The following GPR65 variants were observed in gnomAD, a reference collection of about 807,000 sequenced individuals.
The protein encoded by GPR65 is T-cell death-associated gene 8 protein.
Under a neutral mutation model 0.7 loss-of-function variants are expected in GPR65, and 2 were observed. That is an observed-to-expected ratio of 2.83 (90% CI 1.16 to 8.92). The LOEUF is 8.92. GPR65 is among the 30% of genes most tolerant of loss of function. The pLI, the probability that GPR65 is intolerant of heterozygous loss-of-function variation, is 0.04. For synonymous variants in GPR65, 128 were observed against 146.5 expected (o/e 0.87, Z 0.91); for missense variants, 379 against 399.4 (o/e 0.95, Z 0.43).
chr14:88,011,643 A>T lies in GPR65; in HGVS notation c.796A>T (p.Lys266Ter). 6.2e-7 allele frequency: 1 copy of T among 1,614,000 alleles called. No homozygotes were observed. The highest frequency in any genetic ancestry group is 8.5e-7 in the Non-Finnish European group (1 of 1,179,898). Residue 266 changes from lysine to a stop codon, truncating the protein, a stop_gained, in exon 2 of 2, where the codon AAG (lysine) becomes TAG (stop). Coordinates refer to ENST00000267549, the MANE Select transcript of GPR65 (RefSeq NM_003608.4). LOFTEE classifies it low-confidence loss of function (END_TRUNC). Reference protein sequence around the residue: ...VNFEDHSNSGKRTYTMYRITV... With the variant: ...VNFEDHSNSG ...CTTCGAAGACCACAGCAATTCTGGG[A>T]AGCGAACTTACACAATGTATAGAAT...
intron 1 of GPR65, among the ~76,000 whole-genome samples, chr14:88,008,450 G>T (rs959901773): frequency 1.3e-5 from 2 of 152,054 alleles, no homozygotes; most frequent in Non-Finnish European, 2.9e-5. Context: ...TTACATTTGT[G>T]ATCTTCAACC....
rs1387291111 is a variant in GPR65 at position 88,014,472 on chromosome 14, T to C, written c.*2611T>C. On this transcript the variant is annotated 3_prime_UTR_variant, in exon 2 of 2. Transcript: ENST00000267549. ...TTGTTAGATCTCAGCACTTAAAAAA[T>C]TACATCTTGTATTTGAATTGTTAAA... 1 of 152,210 alleles carries C rather than the reference T, an allele frequency of 6.6e-6. No homozygotes were observed. The highest frequency in any genetic ancestry group is 1.5e-5 in the Non-Finnish European group (1 of 68,034). 9.4% of individuals were successfully genotyped at this position (152,210 alleles called of 1,614,324 possible).
In GPR65 at chr14:88,010,524, C is replaced by A; in HGVS notation, c.-324C>A. The A allele has an allele frequency of 4.0e-6, 1 of 247,420 alleles. No individual in the cohort carries two copies. The allele number at this position is 247,420 out of a possible 1,614,324, so 15.3% of individuals were successfully genotyped here. ...AACTCTCTATGTACACTTACAAATG[C>A]CTCAGTTGATGCTTGTGGGCTGTTT... On this transcript the variant is annotated 5_prime_UTR_variant, in exon 2 of 2. The change creates a premature stop within an existing upstream ORF in the 5' untranslated region. Coordinates refer to ENST00000267549, the MANE Select transcript of GPR65 (RefSeq NM_003608.4).
intron 1 of GPR65, among the ~76,000 whole-genome samples, chr14:88,006,877 T>C (rs1208350214): frequency 6.6e-6 from 1 of 152,172 alleles, no homozygotes; most frequent in Non-Finnish European, 1.5e-5. Flanking sequence ...AGTTATATCC[T>C]TTAGAAGTTT....
chr14:88,007,374 T>C lies in GPR65; in HGVS notation c.-460+2152T>C, dbSNP rs527872957. ...TTCGATCTTTATGGAATTCCAATTA[T>C]GTATATGCCACCCTTTTCACCTTTT... is the stretch of plus-strand genomic sequence containing the variant. On this transcript the variant is annotated intron_variant, in intron 1 of 1. Coordinates refer to ENST00000267549, the MANE Select transcript of GPR65 (RefSeq NM_003608.4). 3.3e-5 allele frequency among the ~76,000 whole-genome samples: 5 copies of C among 152,212 alleles called. No homozygotes were observed. The East Asian group carries it at 9.7e-4, about 29-fold the overall frequency.
chr14:88,010,922 T>C lies in GPR65; in HGVS notation c.75T>C (p.Ile25=), dbSNP rs1272601220. 1.2e-5 allele frequency: 19 copies of C among 1,612,230 alleles called. No individual in the cohort carries two copies. Among genetic ancestry groups the C allele is most frequent in the Non-Finnish European group, 1.4e-5 (16 of 1,178,404 alleles). The change falls in exon 2 of 2, where the codon ATT becomes ATC. Residue 25 remains isoleucine, a synonymous_variant. Coordinates refer to ENST00000267549, the MANE Select transcript of GPR65 (RefSeq NM_003608.4). ...TTCCCATTGTTTACATCTTTGTGATTATAGTCAGCATTCCAGCCAATATTG... is the reference window on the plus strand; with the variant it reads ...TTCCCATTGTTTACATCTTTGTGATCATAGTCAGCATTCCAGCCAATATTG... ...YLFPIVYIFV[I]IVSIPANIGS...
Position 88,014,390 on chromosome 14 carries a change from T to C in GPR65, c.*2529T>C, listed in dbSNP as rs1887734246. ...ATTTTTGTCTACTATTATGAAATTA[T>C]TATCTATGAAATTCAAGCTGTAACT... On this transcript the variant is annotated 3_prime_UTR_variant, in exon 2 of 2. Transcript: ENST00000267549. 6.6e-6 allele frequency: 1 copy of C among 152,220 alleles called. No homozygotes were observed. Among genetic ancestry groups the C allele is most frequent in the Non-Finnish European group, 1.5e-5 (1 of 68,030 alleles). 9.4% of individuals were successfully genotyped at this position (152,220 alleles called of 1,614,324 possible).
At chr14:88,010,208 C>T (rs1000984330) in intron 1 of GPR65, among the ~76,000 whole-genome samples, 181 bp from the exon 2 acceptor site, 20 of 151,672 alleles carry the variant, frequency 1.3e-4, no homozygotes, top group African/African-American at 4.8e-4. Flanking sequence ...AATGTCTTGA[C>T]TTGATTTTAT....
chr14:88,012,025 C>T lies in GPR65; in HGVS notation c.*164C>T. On this transcript the variant is annotated 3_prime_UTR_variant, in exon 2 of 2. Transcript: ENST00000267549. ...TATCTTAAAACTGCATTGTACAGCT[C>T]CCTCCCTGCGTTTTATTAAATGATG... is the stretch of plus-strand genomic sequence containing the variant. 1.8e-6 allele frequency: 1 copy of T among 545,458 alleles called. No homozygotes were observed. Among genetic ancestry groups the T allele is most frequent in the African/African-American group, 1.9e-5 (1 of 52,746 alleles). The allele number at this position is 545,458 out of a possible 1,614,324, so 33.8% of individuals were successfully genotyped here. A position where few individuals can be genotyped will look rare whatever the true frequency, so the allele number is the denominator to read the frequency against.
At chr14:88,006,471 C>G (rs1330594594) in intron 1 of GPR65, among the ~76,000 whole-genome samples, 1 of 152,188 alleles carries the variant, frequency 6.6e-6, no homozygotes, top group Non-Finnish European at 1.5e-5. Flanking sequence ...CTCTGCGTCA[C>G]TACAAAGAAG....
rs762749594 is a variant in GPR65 at position 88,011,715 on chromosome 14, T to C, written c.868T>C (p.Tyr290His). Residue 290 changes from tyrosine (Y) to histidine (H), a missense_variant, in exon 2 of 2, where the codon TAC (tyrosine) becomes CAC (histidine). Transcript: ENST00000267549. ...SLNCVADPILYCFVTETGRYD... is the reference protein window; with the variant it reads ...SLNCVADPILHCFVTETGRYD... ...AAATTGTGTTGCTGATCCAATTCTG[T>C]ACTGTTTTGTAACCGAAACAGGAAG... The C allele has an allele frequency of 6.2e-7, 1 of 1,613,898 alleles. No individual in the cohort carries two copies.
At chr14:88,007,844 A>C (rs568323739) in intron 1 of GPR65, among the ~76,000 whole-genome samples, 1 of 147,892 alleles carries the variant, frequency 6.8e-6, no homozygotes, top group Non-Finnish European at 1.5e-5. Context: ...ATTTGTTAGA[A>C]CTCTATCTGT....
rs1887738002 is a variant in GPR65 at position 88,014,648 on chromosome 14, A to G, written c.*2787A>G. The G allele has an allele frequency of 6.6e-6, 1 of 152,180 alleles. No individual in the cohort carries two copies. Among genetic ancestry groups the G allele is most frequent in the Non-Finnish European group, 1.5e-5 (1 of 68,020 alleles). The allele number at this position is 152,180 out of a possible 1,614,324, so 9.4% of individuals were successfully genotyped here. ...GCACCGGTGCATTTTTATTTAAAAA[A>G]TAGATTGTGACTCCTCAAATAATGT... On this transcript the variant is annotated 3_prime_UTR_variant, in exon 2 of 2. Coordinates refer to ENST00000267549, the MANE Select transcript of GPR65 (RefSeq NM_003608.4).
chr14:88,005,615 G>GA (rs1269093057), intron 1 of GPR65, among the ~76,000 whole-genome samples: 4 of 151,942 alleles, frequency 2.6e-5, no homozygotes, highest in Admixed American at 1.3e-4. Flanking sequence ...ATATCCATCA[G>GA]AAAAAAATGT....
In GPR65 at chr14:88,010,833, C is replaced by A. The variant is rs1216464366; in HGVS notation, c.-15C>A. 6.3e-7 allele frequency: 1 copy of A among 1,585,302 alleles called. No individual in the cohort carries two copies. The highest frequency in any genetic ancestry group is 8.6e-7 in the Non-Finnish European group (1 of 1,156,360). On this transcript the variant is annotated 5_prime_UTR_variant, in exon 2 of 2. Transcript: ENST00000267549. ...TTCTAAGAACTAATATAATTGCTAC[C>A]TTAAAAAGGAAAAAATGAACAGCAC...
intron 1 of GPR65, among the ~76,000 whole-genome samples, chr14:88,005,500 T>C (rs2139779824): frequency 6.6e-6 from 1 of 152,298 alleles, no homozygotes; most frequent in African/African-American, 2.4e-5. Context: ...GAAACAGTGC[T>C]TTGGCAAACT....
rs576760626 is a variant in GPR65 at position 88,012,990 on chromosome 14, A to T, written c.*1129A>T. ...CAGAAGTTTAATGCATAGACAAATA[A>T]ATAGTTCTATTATATCTTTCTTTTT... On this transcript the variant is annotated 3_prime_UTR_variant, in exon 2 of 2. Coordinates refer to ENST00000267549, the MANE Select transcript of GPR65 (RefSeq NM_003608.4). 6.6e-6 allele frequency: 1 copy of T among 152,168 alleles called. No homozygotes were observed. The highest frequency in any genetic ancestry group is 2.1e-4 in the South Asian group (1 of 4,824). The allele number at this position is 152,168 out of a possible 1,614,324, so 9.4% of individuals were successfully genotyped here.
chr14:88,010,449 T>C lies in GPR65; in HGVS notation c.-399T>C, dbSNP rs1887656607. The C allele has an allele frequency of 5.9e-6, 1 of 169,902 alleles. No individual in the cohort carries two copies. 10.5% of individuals were successfully genotyped at this position (169,902 alleles called of 1,614,324 possible). ...GTGCAAACAAAGCCTTGTATATTCA[T>C]GTTTGCACCAATCTACTGTGAGATT... On this transcript the variant is annotated 5_prime_UTR_variant, in exon 2 of 2. An upstream start codon of the reference 5' UTR is lost. Coordinates refer to ENST00000267549, the MANE Select transcript of GPR65 (RefSeq NM_003608.4).
chr14:88,010,023 G>A (rs1887650256), intron 1 of GPR65, among the ~76,000 whole-genome samples: 1 of 152,260 alleles, frequency 6.6e-6, no homozygotes, highest in South Asian at 2.1e-4. Context: ...TAACCATACA[G>A]TTGATCACAC....
Sources: gnomAD v4.1 joint callset for allele counts (sites outside exome capture counted in the v4.1 genomes callset) on GRCh38, gnomAD v4.1.1 for gene constraint, MANE v1.5 for transcripts, NCBI Gene and HGNC (gene_info 2026-07-23, HGNC 2026-07-21) for gene names.